SLC20A1: variants seen among roughly 807,000 people sequenced by gnomAD.
SLC20A1 encodes the protein solute carrier family 20 member 1.
In SLC20A1, 28 loss-of-function variants were observed where a neutral mutation model predicts 62.7. That is an observed-to-expected ratio of 0.45 (90% CI 0.33 to 0.61). The LOEUF is 0.61. Ranked by LOEUF, SLC20A1 falls within the 20% of genes least tolerant of loss-of-function variation. The pLI, the probability that SLC20A1 is intolerant of heterozygous loss-of-function variation, is 0.02. For synonymous variants in SLC20A1, 305 were observed against 302.9 expected (o/e 1.01, Z -0.07); for missense variants, 673 against 838.6 (o/e 0.80, Z 2.44).
chr2:112,658,810 C>G lies in SLC20A1; in HGVS notation c.779-15C>G. On this transcript the variant is annotated splice_polypyrimidine_tract_variant and intron_variant, in intron 6 of 10. Transcript: ENST00000272542. Reference sequence around the variant, plus strand: ...CCACAACCAAACCAAAAAAGACCCCCCTTTTTTTTCCTAGGAGAAATAAAG... The same window carrying G: ...CCACAACCAAACCAAAAAAGACCCCGCTTTTTTTTCCTAGGAGAAATAAAG... The G allele has an allele frequency of 6.3e-7, 1 of 1,582,260 alleles. No homozygotes were observed. Among genetic ancestry groups the G allele is most frequent in the South Asian group, 1.2e-5 (1 of 86,118 alleles).
intron 6 of SLC20A1, 96 bp downstream of exon 6, chr2:112,657,337 A>G: frequency 7.8e-7 from 1 of 1,276,222 alleles, no homozygotes; most frequent in Non-Finnish European, 1.1e-6. Flanking sequence ...GAGATTGGCA[A>G]AATAAGAGAT....
intron 4 of SLC20A1, 49 bp from the exon 5 acceptor site, chr2:112,652,653 G>C: frequency 6.9e-7 from 1 of 1,440,478 alleles, no homozygotes. Context: ...TGTGGAAATG[G>C]GTTAACCTTT....
intron 10 of SLC20A1, 130 bp from the exon 11 acceptor site, chr2:112,662,733 TA>T: frequency 2.4e-6 from 2 of 835,742 alleles, no homozygotes; most frequent in Non-Finnish European, 1.8e-6. Flanking sequence ...TAACCTGTTG[TA>T]AACCAGCTTT....
At chr2:112,655,600 C>T (rs1338871694) in intron 5 of SLC20A1, among the ~76,000 whole-genome samples, 1 of 148,148 alleles carries the variant, frequency 6.8e-6, no homozygotes, top group African/African-American at 2.5e-5. Context: ...GCCTTGTATT[C>T]CTGGGCTCAG....
At chr2:112,657,044 T>G (rs1179664312) in intron 5 of SLC20A1, 78 bp from the exon 6 acceptor site, 2 of 1,558,514 alleles carry the variant, frequency 1.3e-6, no homozygotes, top group African/African-American at 2.7e-5. Context: ...AACCCCTCAG[T>G]CCCCAGAGGA....
Position 112,653,980 on chromosome 2 carries a change from C to T in SLC20A1, c.658+1182C>T, listed in dbSNP as rs555278940. Among the ~76,000 whole-genome samples the T allele has an allele frequency of 2.0e-3, 297 of 151,992 alleles. 1 individual carries two copies. Among genetic ancestry groups the T allele is most frequent in the African/African-American group, 6.8e-3 (281 of 41,444 alleles). On this transcript the variant is annotated intron_variant, in intron 5 of 10. Coordinates refer to ENST00000272542, the MANE Select transcript of SLC20A1 (RefSeq NM_005415.5). ...GCTGATTTTGTATTTTTAGTAGAGACGGGGTTTCTCCATGTTGGTCAGGCT... is the reference window on the plus strand; with the variant it reads ...GCTGATTTTGTATTTTTAGTAGAGATGGGGTTTCTCCATGTTGGTCAGGCT...
At chr2:112,654,466 TCTTTC>T (rs1325125120) in intron 5 of SLC20A1, among the ~76,000 whole-genome samples, 2 of 152,248 alleles carry the variant, frequency 1.3e-5, no homozygotes, top group African/African-American at 2.4e-5. Flanking sequence ...AAAACCAGTC[TCTTTC>T]CTTTTTGACT....
At position 112,658,968 on chromosome 2, in the gene SLC20A1, C is replaced by T. The variant is rs777116177; in HGVS notation, c.922C>T (p.Leu308Phe). The T allele has an allele frequency of 4.3e-6, 7 of 1,614,170 alleles. No individual in the cohort carries two copies. Among genetic ancestry groups the T allele is most frequent in the Non-Finnish European group, 5.9e-6 (7 of 1,180,034 alleles). Residue 308 changes from leucine (L) to phenylalanine (F), a missense_variant, in exon 7 of 11, where the codon CTC becomes TTC. Coordinates refer to ENST00000272542, the MANE Select transcript of SLC20A1 (RefSeq NM_005415.5). The part of the protein sequence containing the change: ...VSEVGPATVP[L>F]QAVVEERTVS... Reference sequence around the variant, plus strand: ...TGAGGTAGGGCCTGCCACTGTGCCCCTCCAGGCTGTGGTGGAGGAGAGAAC... The same window carrying T: ...TGAGGTAGGGCCTGCCACTGTGCCCTTCCAGGCTGTGGTGGAGGAGAGAAC...
In SLC20A1 at chr2:112,663,053, A is replaced by G. The variant is rs748412387; in HGVS notation, c.*28A>G. On this transcript the variant is annotated 3_prime_UTR_variant, in exon 11 of 11. Coordinates refer to ENST00000272542, the MANE Select transcript of SLC20A1 (RefSeq NM_005415.5). ...CTGTTTGAGATTAAAATTTGTGTCA[A>G]TGTTTGGGACCATCTTAGGTATTCC... 12 of 1,612,560 alleles carry G rather than the reference A, an allele frequency of 7.4e-6. No homozygotes were observed. In the Admixed American group the frequency reaches 8.3e-5, roughly 11 times the overall value.
At chr2:112,658,802 A>G (rs1481517595) in intron 6 of SLC20A1, 23 bp from the exon 7 acceptor site, 1 of 1,578,400 alleles carries the variant, frequency 6.3e-7, no homozygotes, top group East Asian at 2.2e-5. Flanking sequence ...CAAACCAAAA[A>G]AGACCCCCCT....
At position 112,647,504 on chromosome 2, in the gene SLC20A1, G is replaced by A. The variant is rs779721665; in HGVS notation, c.475+40G>A. ...AAACGGCTTCTTAATTTTCGTTTTC[G>A]TCATATGTTACCATGGCATTAGGTA... On this transcript the variant is annotated intron_variant, in intron 3 of 10. Coordinates refer to ENST00000272542, the MANE Select transcript of SLC20A1 (RefSeq NM_005415.5). 1.6e-5 allele frequency: 26 copies of A among 1,604,308 alleles called. No individual in the cohort carries two copies. In the Admixed American group the frequency reaches 3.4e-4, roughly 21 times the overall value.
At chr2:112,661,383 T>G (rs998472456) in intron 10 of SLC20A1, among the ~76,000 whole-genome samples, 157 bp downstream of exon 10, 1 of 152,250 alleles carries the variant, frequency 6.6e-6, no homozygotes, top group Middle Eastern at 3.2e-3. Context: ...TTTAAGCAAT[T>G]AAATAGATAT....
At chr2:112,661,074 G>C in intron 9 of SLC20A1, 68 bp from the exon 10 acceptor site, 1 of 1,109,598 alleles carries the variant, frequency 9.0e-7, no homozygotes, top group Admixed American at 1.7e-5. Flanking sequence ...GTGTTAACTT[G>C]AGGTGTAGTG....
chr2:112,662,851 G>A lies in SLC20A1; in HGVS notation c.1879-13G>A, dbSNP rs1333636766. The A allele has an allele frequency of 1.9e-6, 3 of 1,612,758 alleles. No individual in the cohort carries two copies. The highest frequency in any genetic ancestry group is 2.5e-6 in the Non-Finnish European group (3 of 1,179,626). On this transcript the variant is annotated splice_polypyrimidine_tract_variant and intron_variant, in intron 10 of 10. Coordinates refer to ENST00000272542, the MANE Select transcript of SLC20A1 (RefSeq NM_005415.5). Reference sequence around the variant, plus strand: ...CTTCAATAACCTGTTTCCTTGGTCTGCTTCTCTTCTAGGTGGGCTCTGTTG... The same window carrying A: ...CTTCAATAACCTGTTTCCTTGGTCTACTTCTCTTCTAGGTGGGCTCTGTTG...
rs1161047257 is a variant in SLC20A1, at chr2:112,647,412, C to A, written c.423C>A (p.Ser141=). The part of the protein sequence containing the change: ...HCIVGATIGF[S]LVAKGQEGVK... ...TTGTTGGTGCAACTATTGGTTTCTCCCTCGTGGCAAAGGGGCAGGAGGGTG... is the reference window on the plus strand; with the variant it reads ...TTGTTGGTGCAACTATTGGTTTCTCACTCGTGGCAAAGGGGCAGGAGGGTG... The change falls in exon 3 of 11, where the codon TCC becomes TCA. Residue 141 remains serine (S), a synonymous_variant. Coordinates refer to ENST00000272542, the MANE Select transcript of SLC20A1 (RefSeq NM_005415.5). 1 of 1,614,092 alleles carries A rather than the reference C, an allele frequency of 6.2e-7. No homozygotes were observed. Among genetic ancestry groups the A allele is most frequent in the African/African-American group, 1.3e-5 (1 of 75,002 alleles).
At chr2:112,660,902 A>G (rs1341123907) in intron 9 of SLC20A1, 5 of 496,084 alleles carry the variant, frequency 1.0e-5, no homozygotes, top group African/African-American at 3.8e-5. Flanking sequence ...TAAAAGTGCA[A>G]ATTTTATTTA....
In SLC20A1 at chr2:112,647,364, C is replaced by T. The variant is rs780084118; in HGVS notation, c.375C>T (p.Leu125=). The part of the protein sequence containing the change: ...VWQLVASFLK[L]PISGTHCIVG... ...AACTCGTGGCTTCGTTTTTGAAGCT[C>T]CCTATTTCTGGAACCCATTGTATTG... Residue 125 remains leucine (L), a synonymous_variant, in exon 3 of 11, where the codon CTC becomes CTT. Coordinates refer to ENST00000272542, the MANE Select transcript of SLC20A1 (RefSeq NM_005415.5). 5.0e-6 allele frequency: 8 copies of T among 1,614,010 alleles called. No homozygotes were observed. The highest frequency in any genetic ancestry group is 1.1e-5 in the South Asian group (1 of 91,048).
Position 112,663,128 on chromosome 2 carries a change from T to C in SLC20A1, c.*103T>C. 1 of 1,355,130 alleles carries C rather than the reference T, an allele frequency of 7.4e-7. No homozygotes were observed. Among genetic ancestry groups the C allele is most frequent in the Non-Finnish European group, 1.1e-6 (1 of 945,552 alleles). The allele number at this position is 1,355,130 out of a possible 1,614,324, so 83.9% of individuals were successfully genotyped here. A position where few individuals can be genotyped will look rare whatever the true frequency, so the allele number is the denominator to read the frequency against. Reference sequence around the variant, plus strand: ...TGTTAACAGAAGACTGACAAGAGTCTTTTTATTTGGGAGCCAGAGGAGGGA... The same window carrying C: ...TGTTAACAGAAGACTGACAAGAGTCCTTTTATTTGGGAGCCAGAGGAGGGA... On this transcript the variant is annotated 3_prime_UTR_variant, in exon 11 of 11. Coordinates refer to ENST00000272542, the MANE Select transcript of SLC20A1 (RefSeq NM_005415.5).
chr2:112,659,534 G>A lies in SLC20A1; in HGVS notation c.1379G>A (p.Arg460Gln), dbSNP rs772606473. Reference protein sequence around the residue: ...WPNADSKKRIRMDSYTSYCNA... With the variant: ...WPNADSKKRIQMDSYTSYCNA... ...AATGCAGACTCCAAGAAGCGAATTC[G>A]AATGGACAGTTACACCAGTTACTGC... The change falls in exon 8 of 11, where the codon CGA (arginine) becomes CAA (glutamine). Residue 460 changes from arginine to glutamine, a missense_variant. Arg to Gln is a conservative substitution (Grantham distance 43). Coordinates refer to ENST00000272542, the MANE Select transcript of SLC20A1 (RefSeq NM_005415.5). 4.3e-6 allele frequency: 7 copies of A among 1,614,220 alleles called. No individual in the cohort carries two copies. The highest frequency in any genetic ancestry group is 5.9e-6 in the Non-Finnish European group (7 of 1,180,040).
Sources: allele counts gnomAD v4.1 joint callset (sites outside exome capture counted in the v4.1 genomes callset), GRCh38; gene constraint gnomAD v4.1.1; transcripts MANE v1.5; gene names NCBI Gene and HGNC (gene_info 2026-07-23, HGNC 2026-07-21).